TMEM19: variants seen among roughly 807,000 people sequenced by gnomAD.
The protein encoded by TMEM19 is transmembrane protein 19.
In TMEM19, 21 loss-of-function variants were observed where a neutral mutation model predicts 33.6. The ratio of observed to expected loss-of-function variants is 0.62; its 90% CI spans 0.44 to 0.90. The LOEUF (loss-of-function observed/expected upper bound fraction) is 0.90, where lower values mean the gene tolerates loss of function less well. Among genes scored for constraint, TMEM19 ranks in the 40% least tolerant of loss-of-function variants. The pLI, the probability that TMEM19 is intolerant of heterozygous loss-of-function variation, is 0.00. For missense variants in TMEM19, 402 were observed against 401.8 expected (o/e 1.00, Z 0.00); for synonymous variants, 149 against 147.5 (o/e 1.01, Z -0.07).
chr12:71,700,475 C>T (rs552228047), intron 5 of TMEM19, among the ~76,000 whole-genome samples: 2 of 152,264 alleles, frequency 1.3e-5, no homozygotes, highest in East Asian at 1.9e-4. Context: ...GAAGGCAGGC[C>T]CAACCTGCCA....
intron 3 of TMEM19, among the ~76,000 whole-genome samples, chr12:71,697,027 T>G (rs1881884646): frequency 6.6e-6 from 1 of 152,138 alleles, no homozygotes; most frequent in South Asian, 2.1e-4. Flanking sequence ...GTAGCCAAAT[T>G]GAGTTTATAA....
In TMEM19 at chr12:71,696,167, T is replaced by A. The variant is rs535552578; in HGVS notation, c.245-269T>A. Among the ~76,000 whole-genome samples the A allele has an allele frequency of 7.2e-5, 11 of 152,258 alleles. No homozygotes were observed. The South Asian group carries it at 2.1e-3, about 29-fold the overall frequency. ...ACCCCATCTCTATTTCTAATTTTTT[T>A]AAATTAAGATAATTTTAAAAATATT... On this transcript the variant is annotated intron_variant, in intron 2 of 5. Transcript: ENST00000266673.
intron 2 of TMEM19, 108 bp from the exon 3 acceptor site, chr12:71,696,328 T>TG: frequency 9.7e-7 from 1 of 1,029,836 alleles, no homozygotes. Flanking sequence ...TTGCTAGAAA[T>TG]GTACATTTCA....
In TMEM19 at chr12:71,703,950, A is replaced by G. The variant is rs1312571447; in HGVS notation, c.*2955A>G. On this transcript the variant is annotated 3_prime_UTR_variant, in exon 6 of 6. Transcript: ENST00000266673. Reference sequence around the variant, plus strand: ...CATCTTTTGAATTGGATATTTAACTAATTCAACATATTTTTCCTCTTTGCA... The same window carrying G: ...CATCTTTTGAATTGGATATTTAACTGATTCAACATATTTTTCCTCTTTGCA... 1 of 429,770 alleles carries G rather than the reference A, an allele frequency of 2.3e-6. No individual in the cohort carries two copies. Among genetic ancestry groups the G allele is most frequent in the Non-Finnish European group, 4.7e-6 (1 of 212,408 alleles). The allele number at this position is 429,770 out of a possible 1,614,324, so 26.6% of individuals were successfully genotyped here.
Position 71,686,450 on chromosome 12 carries a change from C to A in TMEM19, c.-231C>A, listed in dbSNP as rs1881689756. ...CCGGCCCTCACCGTCCGCCGGGTTG[C>A]GCTCTGCTTTTGCGGTGAGGCGTTG... On this transcript the variant is annotated 5_prime_UTR_variant, in exon 1 of 6. Transcript: ENST00000266673. 1.0e-5 allele frequency: 4 copies of A among 392,794 alleles called. No individual in the cohort carries two copies. Among genetic ancestry groups the A allele is most frequent in the Non-Finnish European group, 1.8e-5 (4 of 223,378 alleles). 24.3% of individuals were successfully genotyped at this position (392,794 alleles called of 1,614,324 possible).
Position 71,698,922 on chromosome 12 carries a change from G to T in TMEM19, c.660G>T (p.Val220=). Residue 220 remains valine, a synonymous_variant, in exon 5 of 6, where the codon GTG becomes GTT. Transcript: ENST00000266673. ...VPVGTNGGVT[V]VGLVSSLLGG... Reference sequence around the variant, plus strand: ...CAGGTACCAATGGAGGAGTTACAGTGGTGGGCCTTGTCTCCAGTCTCCTTG... The same window carrying T: ...CAGGTACCAATGGAGGAGTTACAGTTGTGGGCCTTGTCTCCAGTCTCCTTG... The T allele has an allele frequency of 1.9e-6, 3 of 1,614,146 alleles. No individual in the cohort carries two copies. The highest frequency in any genetic ancestry group is 1.7e-6 in the Non-Finnish European group (2 of 1,180,034).
rs965963549 is a variant in TMEM19 at position 71,703,760 on chromosome 12, T to C, written c.*2765T>C. The stretch of plus-strand genomic sequence containing the variant: ...TATGAACATCCCCACTAAGTATAAC[T>C]AAAGATCATAAAGAGCCTCAGATCA... On this transcript the variant is annotated 3_prime_UTR_variant, in exon 6 of 6. Transcript: ENST00000266673. The C allele has an allele frequency of 4.4e-6, 1 of 229,036 alleles. No individual in the cohort carries two copies. Among genetic ancestry groups the C allele is most frequent in the Non-Finnish European group, 9.1e-6 (1 of 109,340 alleles). 14.2% of individuals were successfully genotyped at this position (229,036 alleles called of 1,614,324 possible).
rs1312174747 is a variant in TMEM19 at position 71,697,276 on chromosome 12, C to T, written c.383-4C>T. 2 of 1,578,418 alleles carry T rather than the reference C, an allele frequency of 1.3e-6. No homozygotes were observed. Among genetic ancestry groups the T allele is most frequent in the African/African-American group, 1.4e-5 (1 of 72,646 alleles). Reference sequence around the variant, plus strand: ...GTTTGTCCTTTTCATCTGTTTGTTTCCAGGTGGGCAAAGGAATTGGGTTCA... The same window carrying T: ...GTTTGTCCTTTTCATCTGTTTGTTTTCAGGTGGGCAAAGGAATTGGGTTCA... On this transcript the variant is annotated splice_polypyrimidine_tract_variant and splice_region_variant and intron_variant, in intron 3 of 5. Coordinates refer to ENST00000266673, the MANE Select transcript of TMEM19 (RefSeq NM_018279.4).
rs1565857855 is a variant in TMEM19 at position 71,701,162 on chromosome 12, A to C, written c.*167A>C. 4 of 580,674 alleles carry C rather than the reference A, an allele frequency of 6.9e-6. No individual in the cohort carries two copies. The East Asian group carries it at 1.2e-4, about 18-fold the overall frequency. 36.0% of individuals were successfully genotyped at this position (580,674 alleles called of 1,614,324 possible). A position where few individuals can be genotyped will look rare whatever the true frequency, so the allele number is the denominator to read the frequency against. On this transcript the variant is annotated 3_prime_UTR_variant, in exon 6 of 6. Coordinates refer to ENST00000266673, the MANE Select transcript of TMEM19 (RefSeq NM_018279.4). The stretch of plus-strand genomic sequence containing the variant: ...TTCCTCTCATCAACTCCCCTGTAAT[A>C]GCTAGCGTCTTTCTAGTGAAAGAGA...
chr12:71,688,384 C>T (rs1881728428), intron 1 of TMEM19, among the ~76,000 whole-genome samples: 1 of 152,122 alleles, frequency 6.6e-6, no homozygotes, highest in South Asian at 2.1e-4. Context: ...TGCCTGCCAC[C>T]ATGCCTGGCT....
At chr12:71,688,480 TG>T (rs1308092401) in intron 1 of TMEM19, among the ~76,000 whole-genome samples, 1 of 152,158 alleles carries the variant, frequency 6.6e-6, no homozygotes, top group Admixed American at 6.5e-5. Flanking sequence ...CCTCCTGCCT[TG>T]GCCTCCCAAA....
Position 71,689,029 on chromosome 12 carries a change from T to C in TMEM19, c.131-562T>C, listed in dbSNP as rs529774338. 5.5e-3 allele frequency among the ~76,000 whole-genome samples: 836 copies of C among 152,280 alleles called. 7 individuals are homozygous for C. Among genetic ancestry groups the C allele is most frequent in the Non-Finnish European group, 9.1e-3 (616 of 68,014 alleles). The stretch of plus-strand genomic sequence containing the variant: ...TCTAGATATCCATTATTATCATAAA[T>C]AGCAGTAAAAGGTTTTCAAAACTTG... On this transcript the variant is annotated intron_variant, in intron 1 of 5. Transcript: ENST00000266673.
chr12:71,699,252 A>T, intron 5 of TMEM19, 143 bp downstream of exon 5: 1 of 846,610 alleles, frequency 1.2e-6, no homozygotes. Flanking sequence ...TCTCTTTCAC[A>T]ATTTTGGTTT....
chr12:71,688,700 A>G (rs1881733963), intron 1 of TMEM19, among the ~76,000 whole-genome samples: 1 of 152,194 alleles, frequency 6.6e-6, no homozygotes, highest in African/African-American at 2.4e-5. Flanking sequence ...CCTTAAGTCA[A>G]TTCTGCCATG....
chr12:71,699,243 CTCTT>C (rs1290237563), intron 5 of TMEM19, 134 bp downstream of exon 5: 1 of 888,078 alleles, frequency 1.1e-6, no homozygotes, highest in Non-Finnish European at 1.7e-6. Flanking sequence ...AGGGCAAAGT[CTCTT>C]TCACAATTTT....
In TMEM19 at chr12:71,686,484, C is replaced by T. The variant is rs554892097; in HGVS notation, c.-197C>T. 3.5e-5 allele frequency: 18 copies of T among 513,324 alleles called. No individual in the cohort carries two copies. In the South Asian group the frequency reaches 3.9e-4, roughly 11 times the overall value. 31.8% of individuals were successfully genotyped at this position (513,324 alleles called of 1,614,324 possible). On this transcript the variant is annotated 5_prime_UTR_variant, in exon 1 of 6. Coordinates refer to ENST00000266673, the MANE Select transcript of TMEM19 (RefSeq NM_018279.4). ...TTTGCGGTGAGGCGTTGACCACGCC[C>T]ATATGAATTGGAGCTCTCCGCCAGT...
rs1881996482 is a variant in TMEM19, at chr12:71,702,504, C to T, written c.*1509C>T. 1 of 152,182 alleles carries T rather than the reference C, an allele frequency of 6.6e-6. No homozygotes were observed. Among genetic ancestry groups the T allele is most frequent in the Non-Finnish European group, 1.5e-5 (1 of 68,090 alleles). The allele number at this position is 152,182 out of a possible 1,614,324, so 9.4% of individuals were successfully genotyped here. ...CTAATTTTTGTATTTTCAGTAGAGA[C>T]AGGGTTTCGCCACGTTGGCTAGGCT... On this transcript the variant is annotated 3_prime_UTR_variant, in exon 6 of 6. Coordinates refer to ENST00000266673, the MANE Select transcript of TMEM19 (RefSeq NM_018279.4).
rs1170815994 is a variant in TMEM19 at position 71,686,180 on chromosome 12, C to T, written c.-501C>T. ...TGGCCGGCTGGACCTGACCCTAGGG[C>T]GGCTTGCGCAGCTGTCGGGACGTGA... On this transcript the variant is annotated 5_prime_UTR_variant, in exon 1 of 6. Coordinates refer to ENST00000266673, the MANE Select transcript of TMEM19 (RefSeq NM_018279.4). 2 of 174,450 alleles carry T rather than the reference C, an allele frequency of 1.1e-5. No homozygotes were observed. 10.8% of individuals were successfully genotyped at this position (174,450 alleles called of 1,614,324 possible).
intron 2 of TMEM19, 38 bp from the exon 3 acceptor site, chr12:71,696,398 A>G: frequency 6.7e-7 from 1 of 1,491,208 alleles, no homozygotes; most frequent in Non-Finnish European, 9.0e-7. Context: ...TGATGTATGA[A>G]TTGAATATAA....
Sources: allele counts gnomAD v4.1 joint callset (sites outside exome capture counted in the v4.1 genomes callset), GRCh38; gene constraint gnomAD v4.1.1; transcripts MANE v1.5; gene names NCBI Gene and HGNC (gene_info 2026-07-23, HGNC 2026-07-21).